The following SF3A2 variants were observed in gnomAD, a reference collection of about 807,000 sequenced individuals.
The protein encoded by SF3A2 is SAP 62.
In SF3A2, 5 loss-of-function variants were observed where a neutral mutation model predicts 31.1. The observed-to-expected ratio is 0.16, with a 90% CI of 0.08 to 0.34. The LOEUF (loss-of-function observed/expected upper bound fraction) is 0.34, where lower values mean the gene tolerates loss of function less well. Ranked by LOEUF, SF3A2 falls within the 10% of genes least tolerant of loss-of-function variation. SF3A2 has a pLI of 1.00. For missense variants in SF3A2, 577 were observed against 643.9 expected (o/e 0.90, Z 1.13); for synonymous variants, 365 against 263.7 (o/e 1.38, Z -3.72).
At chr19:2,240,875 C>CCAG (rs2024882996) in intron 1 of SF3A2, among the ~76,000 whole-genome samples, 1 of 152,256 alleles carries the variant, frequency 6.6e-6, no homozygotes, top group Non-Finnish European at 1.5e-5. Context: ...AGCTGTGCTG[C>CCAG]CTCTTCCGCA....
At position 2,247,981 on chromosome 19, in the gene SF3A2, C is replaced by A; in HGVS notation, c.830C>A (p.Pro277Gln). ...TGPAPSGPPGPPQLPPPAPGV... is the reference protein window; with the variant it reads ...TGPAPSGPPGQPQLPPPAPGV... ...CCTGCGCCCTCAGGGCCCCCGGGAC[C>A]ACCCCAGCTACCCCCGCCAGCTCCA... The change falls in exon 9 of 9, where the codon CCA (proline) becomes CAA (glutamine). Residue 277 changes from proline to glutamine, a missense_variant. Coordinates refer to ENST00000221494, the MANE Select transcript of SF3A2 (RefSeq NM_007165.5). The A allele has an allele frequency of 9.9e-7, 1 of 1,014,120 alleles. No homozygotes were observed. Among genetic ancestry groups the A allele is most frequent in the Non-Finnish European group, 1.5e-6 (1 of 669,546 alleles). 62.8% of individuals were successfully genotyped at this position (1,014,120 alleles called of 1,614,324 possible).
At position 2,245,845 on chromosome 19, in the gene SF3A2, AAG is replaced by A. The variant is rs2024926884; in HGVS notation, c.355+293_355+294del. The A allele has an allele frequency of 2.2e-6, 1 of 454,010 alleles. No individual in the cohort carries two copies. The highest frequency in any genetic ancestry group is 4.2e-5 in the East Asian group (1 of 24,010). 28.1% of individuals were successfully genotyped at this position (454,010 alleles called of 1,614,324 possible). On this transcript the variant is annotated intron_variant, in intron 5 of 8. Coordinates refer to ENST00000221494, the MANE Select transcript of SF3A2 (RefSeq NM_007165.5). This position sits in a 1 kb window ranked among gnomAD's most constrained non-coding sequence, Gnocchi z 4.2. ...GCTTCTGGGAATTCTTGCCAAGCAA[AAG>A]AGTGGAAGTGGAGGTGTGGTGAGCC...
chr19:2,238,735 C>T (rs1465331057), intron 1 of SF3A2, among the ~76,000 whole-genome samples: 2 of 152,200 alleles, frequency 1.3e-5, no homozygotes, highest in African/African-American at 4.8e-5. Flanking sequence ...ACACACCTAT[C>T]AGTTGTATTT....
chr19:2,245,194 A>C lies in SF3A2; in HGVS notation c.246-252A>C, dbSNP rs1834062804. On this transcript the variant is annotated intron_variant, in intron 4 of 8. Coordinates refer to ENST00000221494, the MANE Select transcript of SF3A2 (RefSeq NM_007165.5). The surrounding 1 kb of genome is among the most constrained non-coding windows in gnomAD (Gnocchi z 4.2). ...GTGAGACTCTTGTCTTATTAAAAAA[A>C]AAAAAAAAGAGCAGAGGCATGGAGT... 2.0e-6 allele frequency: 1 copy of C among 508,102 alleles called. No individual in the cohort carries two copies. The highest frequency in any genetic ancestry group is 3.5e-6 in the Non-Finnish European group (1 of 288,506). The allele number at this position is 508,102 out of a possible 1,614,324, so 31.5% of individuals were successfully genotyped here.
At chr19:2,240,010 A>G (rs1477693875) in intron 1 of SF3A2, among the ~76,000 whole-genome samples, 2 of 152,222 alleles carry the variant, frequency 1.3e-5, no homozygotes, top group Non-Finnish European at 2.9e-5. Context: ...TTTCTCTTTA[A>G]GAACAAAGCG....
At position 2,245,803 on chromosome 19, in the gene SF3A2, G is replaced by A. The variant is rs1039904596; in HGVS notation, c.355+248G>A. 3.8e-6 allele frequency: 2 copies of A among 531,312 alleles called. No homozygotes were observed. Among genetic ancestry groups the A allele is most frequent in the Non-Finnish European group, 6.7e-6 (2 of 297,528 alleles). 32.9% of individuals were successfully genotyped at this position (531,312 alleles called of 1,614,324 possible). ...GCTGAGCCACAGTCTGTGCCCTCCT[G>A]TCCGGGTCTTGTGGAAGCTTCTGGG... is the stretch of plus-strand genomic sequence containing the variant. On this transcript the variant is annotated intron_variant, in intron 5 of 8. Coordinates refer to ENST00000221494, the MANE Select transcript of SF3A2 (RefSeq NM_007165.5). This position sits in a 1 kb window ranked among gnomAD's most constrained non-coding sequence, Gnocchi z 4.2.
chr19:2,247,721 G>A (rs1195804579), intron 8 of SF3A2, 46 bp from the exon 9 acceptor site: 2 of 1,610,590 alleles, frequency 1.2e-6, no homozygotes, highest in Non-Finnish European at 1.7e-6. Flanking sequence ...CCCTAGCCCT[G>A]CCCTAGCCCC....
At chr19:2,240,894 C>T (rs1404186862) in intron 1 of SF3A2, among the ~76,000 whole-genome samples, 1 of 152,246 alleles carries the variant, frequency 6.6e-6, no homozygotes, top group Non-Finnish European at 1.5e-5. Flanking sequence ...CATGGAGGAG[C>T]AAAGCGCAGG....
At chr19:2,247,191 C>T (rs1049599505) in intron 7 of SF3A2, 169 bp downstream of exon 7, 1 of 589,122 alleles carries the variant, frequency 1.7e-6, no homozygotes, top group Non-Finnish European at 2.9e-6. Flanking sequence ...TCCCATTGGG[C>T]TCTGCAGGAG....
intron 1 of SF3A2, among the ~76,000 whole-genome samples, chr19:2,240,170 C>T (rs980089300): frequency 6.6e-6 from 1 of 152,212 alleles, no homozygotes; most frequent in African/African-American, 2.4e-5. Context: ...CCGGAAAAGA[C>T]TCCTGGCCTC....
At chr19:2,240,187 G>C (rs2145007310) in intron 1 of SF3A2, among the ~76,000 whole-genome samples, 1 of 152,310 alleles carries the variant, frequency 6.6e-6, no homozygotes, top group East Asian at 1.9e-4. Context: ...CCTCCCCCGG[G>C]GTGGGGGGCG....
chr19:2,245,712 G>A lies in SF3A2; in HGVS notation c.355+157G>A, dbSNP rs567518388. On this transcript the variant is annotated intron_variant, in intron 5 of 8. Transcript: ENST00000221494. The surrounding 1 kb of genome is among the most constrained non-coding windows in gnomAD (Gnocchi z 4.2). ...CCCTCACCCACCTGCAGCCTCTGGC[G>A]TTGTGTCTGGGAGCTGTCAGGCTGG... The A allele has an allele frequency of 7.4e-5, 47 of 639,148 alleles. No individual in the cohort carries two copies. The highest frequency in any genetic ancestry group is 5.2e-4 in the African/African-American group (29 of 55,360). The allele number at this position is 639,148 out of a possible 1,614,324, so 39.6% of individuals were successfully genotyped here. A position where few individuals can be genotyped will look rare whatever the true frequency, so the allele number is the denominator to read the frequency against.
At position 2,246,528 on chromosome 19, in the gene SF3A2, C is replaced by T. The variant is rs376725044; in HGVS notation, c.356-225C>T. Among the ~76,000 whole-genome samples, 3 of 152,200 alleles carry T rather than the reference C, an allele frequency of 2.0e-5. No individual in the cohort carries two copies. Among genetic ancestry groups the T allele is most frequent in the South Asian group, 2.1e-4 (1 of 4,818 alleles). ...GATTGGGACAAAGGAGCACCATCCT[C>T]GGTCCCTGCCTGAGTGACTCCGCAG... On this transcript the variant is annotated intron_variant, in intron 5 of 8. Transcript: ENST00000221494. The surrounding 1 kb of genome is among the most constrained non-coding windows in gnomAD (Gnocchi z 5.5).
chr19:2,244,878 G>T (rs1405442540), intron 4 of SF3A2, 99 bp downstream of exon 4: 17 of 1,198,438 alleles, frequency 1.4e-5, no homozygotes, highest in Non-Finnish European at 1.8e-5. Flanking sequence ...CGGGGAGCCA[G>T]CCTGGCCTGA....
chr19:2,245,229 G>A lies in SF3A2; in HGVS notation c.246-217G>A. Reference sequence around the variant, plus strand: ...AGCAGAGGCATGGAGTTGTTGGAAGGGCCCCAGCCAGGGACAGTGAGGAGC... The same window carrying A: ...AGCAGAGGCATGGAGTTGTTGGAAGAGCCCCAGCCAGGGACAGTGAGGAGC... On this transcript the variant is annotated intron_variant, in intron 4 of 8. Transcript: ENST00000221494. The surrounding 1 kb of genome is among the most constrained non-coding windows in gnomAD (Gnocchi z 4.2). The A allele has an allele frequency of 3.7e-6, 2 of 537,112 alleles. No individual in the cohort carries two copies. Among genetic ancestry groups the A allele is most frequent in the Non-Finnish European group, 6.6e-6 (2 of 305,006 alleles). 33.3% of individuals were successfully genotyped at this position (537,112 alleles called of 1,614,324 possible). A position where few individuals can be genotyped will look rare whatever the true frequency, so the allele number is the denominator to read the frequency against.
chr19:2,241,874 C>T (rs886085653), intron 1 of SF3A2, among the ~76,000 whole-genome samples: 2 of 152,190 alleles, frequency 1.3e-5, no homozygotes, highest in Non-Finnish European at 2.9e-5. Context: ...TCTAGGTGGG[C>T]TTTTGTGACA....
In SF3A2 at chr19:2,248,556, C is replaced by G. The variant is rs201178061; in HGVS notation, c.*10C>G. The G allele has an allele frequency of 2.0e-6, 2 of 989,764 alleles. No individual in the cohort carries two copies. The highest frequency in any genetic ancestry group is 3.2e-5 in the Admixed American group (1 of 30,932). The allele number at this position is 989,764 out of a possible 1,614,324, so 61.3% of individuals were successfully genotyped here. A position where few individuals can be genotyped will look rare whatever the true frequency, so the allele number is the denominator to read the frequency against. ...TCCCCCAACCAACTGAGAAGCTGCT[C>G]CCTCCCCCAGCAAGCCCAGCGCCAG... On this transcript the variant is annotated 3_prime_UTR_variant, in exon 9 of 9. Coordinates refer to ENST00000221494, the MANE Select transcript of SF3A2 (RefSeq NM_007165.5).
chr19:2,239,771 G>A (rs952400465), intron 1 of SF3A2, among the ~76,000 whole-genome samples: 2 of 151,884 alleles, frequency 1.3e-5, no homozygotes, highest in African/African-American at 2.4e-5. Context: ...TTTAACTTTT[G>A]ACTTTCCTTT....
chr19:2,242,855 G>T (rs2024902902), intron 1 of SF3A2, among the ~76,000 whole-genome samples: 1 of 152,138 alleles, frequency 6.6e-6, no homozygotes, highest in South Asian at 2.1e-4. Flanking sequence ...TACTCAGTGA[G>T]GATGCGAAGA....
Sources: gnomAD v4.1 joint callset for allele counts (sites outside exome capture counted in the v4.1 genomes callset) on GRCh38, gnomAD v4.1.1 for gene constraint, Gnocchi (gnomAD v3.1) non-coding constraint, MANE v1.5 for transcripts, NCBI Gene and HGNC (gene_info 2026-07-23, HGNC 2026-07-21) for gene names.